TYW1B: variants seen among roughly 807,000 people sequenced by gnomAD.
The protein encoded by TYW1B is S-adenosyl-L-methionine-dependent tRNA 4-demethylwyosine synthase TYW1B.
Under a neutral mutation model 86.9 loss-of-function variants are expected in TYW1B, and 73 were observed. That is an observed-to-expected ratio of 0.84 (90% CI 0.70 to 1.02). The LOEUF is 1.02. Ranked by LOEUF, TYW1B falls within the 50% of genes least tolerant of loss-of-function variation. The pLI, the probability that TYW1B is intolerant of heterozygous loss-of-function variation, is 0.00. For synonymous variants in TYW1B, 248 were observed against 292.8 expected, an observed-to-expected ratio of 0.85 and a Z score of 1.56; for missense variants, 637 against 827.4, an observed-to-expected ratio of 0.77 and a Z score of 2.82.
chr7:72,636,783 A>C (rs1411030078), intron 11 of TYW1B, among the ~76,000 whole-genome samples: 3 of 152,192 alleles, frequency 2.0e-5, no homozygotes, highest in African/African-American at 7.2e-5. Context: ...GGTTTTATAG[A>C]CTGCTGTATT....
At chr7:72,588,438 A>G (rs1811325608) in intron 13 of TYW1B, among the ~76,000 whole-genome samples, 1 of 152,180 alleles carries the variant, frequency 6.6e-6, no homozygotes, top group African/African-American at 2.4e-5. Flanking sequence ...CTAAGAGAAT[A>G]CTGTGCAAAA....
intron 11 of TYW1B, among the ~76,000 whole-genome samples, chr7:72,690,898 C>T (rs1411815835): frequency 6.6e-6 from 1 of 152,068 alleles, no homozygotes; most frequent in East Asian, 1.9e-4. Context: ...CAGGTACCTG[C>T]CACCACTCCT....
At chr7:72,793,360 A>T (rs1477283258) in intron 6 of TYW1B, among the ~76,000 whole-genome samples, 9 of 152,004 alleles carry the variant, frequency 5.9e-5, no homozygotes, top group Middle Eastern at 3.2e-3. Flanking sequence ...AAATAAAAAT[A>T]AATTAATTAA....
intron 11 of TYW1B, among the ~76,000 whole-genome samples, chr7:72,632,321 T>TATATACGTGTATATATATTATATATATTA: frequency 1.3e-5 from 1 of 74,288 alleles, no homozygotes; most frequent in East Asian, 3.4e-4. Flanking sequence ...ATTATATATA[T>TATATACGTGTATATATATTATATATATTA]TATATATATA....
intron 10 of TYW1B, among the ~76,000 whole-genome samples, chr7:72,710,049 C>T (rs1441431132): frequency 2.0e-5 from 3 of 152,138 alleles, no homozygotes; most frequent in Non-Finnish European, 2.9e-5. Context: ...CAAATGTGCC[C>T]GGCATTTTGC....
intron 7 of TYW1B, among the ~76,000 whole-genome samples, chr7:72,766,543 G>A (rs1221050418): frequency 6.7e-6 from 1 of 149,294 alleles, no homozygotes; most frequent in Non-Finnish European, 1.5e-5. Flanking sequence ...GAACCCAGAA[G>A]GCAGAGGTTG....
At chr7:72,606,493 T>C (rs1287368914) in intron 13 of TYW1B, among the ~76,000 whole-genome samples, 1 of 152,022 alleles carries the variant, frequency 6.6e-6, no homozygotes, top group Non-Finnish European at 1.5e-5. Context: ...ACAGAAAGCC[T>C]GGACTTTCAC....
chr7:72,716,173 G>A (rs1208894952), intron 9 of TYW1B, among the ~76,000 whole-genome samples: 3 of 152,126 alleles, frequency 2.0e-5, no homozygotes, highest in Non-Finnish European at 4.4e-5. Flanking sequence ...TCCTGACCTC[G>A]TGATCTGCCC....
At chr7:72,793,071 G>GC (rs1554473841) in intron 6 of TYW1B, among the ~76,000 whole-genome samples, 1 of 152,176 alleles carries the variant, frequency 6.6e-6, no homozygotes, top group African/African-American at 2.4e-5. Context: ...AGGCACGGTG[G>GC]CTCTCAACTG....
intron 10 of TYW1B, among the ~76,000 whole-genome samples, chr7:72,703,539 C>G (rs546280770): frequency 1.3e-5 from 2 of 151,894 alleles, no homozygotes; most frequent in African/African-American, 4.8e-5. Context: ...TTTCTGTGAA[C>G]AAGTTCTGTG....
intron 13 of TYW1B, among the ~76,000 whole-genome samples, chr7:72,598,447 C>A (rs1811585609): frequency 6.6e-6 from 1 of 152,028 alleles, no homozygotes; most frequent in Non-Finnish European, 1.5e-5. Context: ...AAATATTACA[C>A]AACAAAATCC....
chr7:72,773,959 G>C (rs1268782485), intron 7 of TYW1B, among the ~76,000 whole-genome samples: 1 of 151,736 alleles, frequency 6.6e-6, no homozygotes, highest in Non-Finnish European at 1.5e-5. Context: ...CAGCTACTCG[G>C]GAGGCTGAGG....
intron 10 of TYW1B, among the ~76,000 whole-genome samples, chr7:72,707,054 T>C (rs1814631289): frequency 6.6e-6 from 1 of 152,242 alleles, no homozygotes; most frequent in African/African-American, 2.4e-5. Flanking sequence ...AAGTGTGGTC[T>C]GTTGTGCTGT....
chr7:72,644,542 C>T (rs1424874566), intron 11 of TYW1B, among the ~76,000 whole-genome samples: 2 of 151,832 alleles, frequency 1.3e-5, no homozygotes, highest in African/African-American at 2.4e-5. Context: ...AGTGAGACTC[C>T]GTCTCAATCA....
intron 2 of TYW1B, among the ~76,000 whole-genome samples, chr7:72,824,020 A>C (rs576306978): frequency 2.0e-3 from 305 of 152,190 alleles, no homozygotes; most frequent in African/African-American, 7.0e-3. Flanking sequence ...TTTTATAAGT[A>C]ACATTAAAAG....
chr7:72,730,586 AAAG>A (rs1787084703), intron 8 of TYW1B, among the ~76,000 whole-genome samples: 2 of 150,602 alleles, frequency 1.3e-5, no homozygotes, highest in Admixed American at 6.7e-5. Context: ...AAGAAAAGGA[AAAG>A]AAGAAGGAGG....
At chr7:72,595,490 T>C (rs1554432397) in intron 13 of TYW1B, among the ~76,000 whole-genome samples, 3 of 151,976 alleles carry the variant, frequency 2.0e-5, no homozygotes, top group African/African-American at 7.3e-5. Context: ...TTGAGGCAAG[T>C]CTGGTCAACA....
chr7:72,827,744 T>C (rs556381167), intron 1 of TYW1B, among the ~76,000 whole-genome samples: 2 of 151,942 alleles, frequency 1.3e-5, no homozygotes, highest in Non-Finnish European at 2.9e-5. Flanking sequence ...AAGAGAGATA[T>C]GGAAGGACCT....
intron 2 of TYW1B, among the ~76,000 whole-genome samples, chr7:72,820,704 G>C (rs1168390260): frequency 1.3e-5 from 2 of 151,968 alleles, no homozygotes; most frequent in Non-Finnish European, 2.9e-5. Context: ...CCTCCCCCAG[G>C]GATTCATCTA....
Sources: gnomAD v4.1 joint callset for allele counts (sites outside exome capture counted in the v4.1 genomes callset) on GRCh38, gnomAD v4.1.1 for gene constraint, MANE v1.5 for transcripts, NCBI Gene and HGNC (gene_info 2026-07-23, HGNC 2026-07-21) for gene names.